CCDC102B: variants seen among roughly 807,000 people sequenced by gnomAD.
CCDC102B encodes coiled-coil domain-containing protein 102B.
CCDC102B carries 75 observed loss-of-function variants against 57.4 expected under a neutral mutation model. That is an observed-to-expected ratio of 1.31 (90% CI 1.08 to 1.58). CCDC102B has a LOEUF of 1.58. Among genes scored for constraint, CCDC102B ranks in the 40% most tolerant of loss-of-function variants. The probability of loss-of-function intolerance (pLI) is 0.00; values close to 1 mark genes in which losing one functional copy is unlikely to be tolerated. For missense variants in CCDC102B, 636 were observed against 582.6 expected, an observed-to-expected ratio of 1.09 and a Z score of -0.94; for synonymous variants, 206 against 201.9, an observed-to-expected ratio of 1.02 and a Z score of -0.17.
At chr18:68,879,235 C>T (rs990050881) in intron 5 of CCDC102B, among the ~76,000 whole-genome samples, 1 of 151,984 alleles carries the variant, frequency 6.6e-6, no homozygotes, top group African/African-American at 2.4e-5. Context: ...CTTGGTCTCG[C>T]TGGCTTCAGG....
At chr18:68,963,756 T>C (rs541627757) in intron 6 of CCDC102B, among the ~76,000 whole-genome samples, 1 of 152,038 alleles carries the variant, frequency 6.6e-6, no homozygotes, top group Admixed American at 6.6e-5. Flanking sequence ...TAAAATTTTG[T>C]ATCCAATGGT....
At chr18:68,724,931 C>A (rs2032522985) in intron 2 of CCDC102B, among the ~76,000 whole-genome samples, 1 of 152,154 alleles carries the variant, frequency 6.6e-6, no homozygotes, top group South Asian at 2.1e-4. Flanking sequence ...TGAGGAAATA[C>A]CTGAGACTGG....
At chr18:68,835,719 A>G (rs1297912959) in intron 1 of CCDC102B, among the ~76,000 whole-genome samples, 2 of 152,168 alleles carry the variant, frequency 1.3e-5, no homozygotes, top group Non-Finnish European at 2.9e-5. Context: ...ACCTTAAATC[A>G]GTCTCTTATC....
chr18:68,753,670 A>G (rs1395546606), intron 2 of CCDC102B: 1 of 150,724 alleles, frequency 6.6e-6, no homozygotes, highest in African/African-American at 2.4e-5. Context: ...TCCCACTTCT[A>G]CCTCCAGAAT....
chr18:68,983,159 G>GT lies in CCDC102B; in HGVS notation c.1264-27764dup, dbSNP rs199978790. Among the ~76,000 whole-genome samples, 113 of 144,278 alleles carry GT rather than the reference G, an allele frequency of 7.8e-4. 1 individual carries two copies. Among genetic ancestry groups the GT allele is most frequent in the South Asian group, 4.4e-3 (20 of 4,554 alleles). The allele number at this position is 144,278 out of a possible 152,430, so 94.7% of individuals were successfully genotyped here. On this transcript the variant is annotated intron_variant, in intron 6 of 7. Transcript: ENST00000360242. The stretch of plus-strand genomic sequence containing the variant: ...AGGAATCCTCAGGGGTGATTAAAAG[G>GT]TTTTTTTTTTTAGTATCATTTATAT...
intron 5 of CCDC102B, among the ~76,000 whole-genome samples, chr18:68,877,498 T>C (rs2039494827): frequency 6.6e-6 from 1 of 152,226 alleles, no homozygotes; most frequent in South Asian, 2.1e-4. Flanking sequence ...GTTTACTGCG[T>C]CCCATGAGGT....
intron 2 of CCDC102B, among the ~76,000 whole-genome samples, chr18:68,783,516 T>C (rs753127635): frequency 1.3e-5 from 2 of 152,196 alleles, no homozygotes; most frequent in Non-Finnish European, 2.9e-5. Flanking sequence ...AGGCAATGCA[T>C]TGATAATCCT....
chr18:69,015,041 G>A (rs2051628133), intron 7 of CCDC102B, among the ~76,000 whole-genome samples: 1 of 151,188 alleles, frequency 6.6e-6, no homozygotes, highest in Non-Finnish European at 1.5e-5. Flanking sequence ...AAAAAAATTT[G>A]CTGTTCTTTG....
At chr18:68,937,985 ATT>A (rs1422851598) in intron 6 of CCDC102B, among the ~76,000 whole-genome samples, 4 of 152,048 alleles carry the variant, frequency 2.6e-5, no homozygotes, top group Non-Finnish European at 5.9e-5. Context: ...TATGTGTCAC[ATT>A]TTCTTTATCC....
At chr18:68,804,790 A>G (rs55961284) in intron 1 of CCDC102B, among the ~76,000 whole-genome samples, 2,802 of 152,240 alleles carry the variant, frequency 0.018, 60 homozygotes, top group Admixed American at 0.028. Flanking sequence ...GAGATAAATG[A>G]AAGTGTCTTT....
intron 6 of CCDC102B, among the ~76,000 whole-genome samples, chr18:68,910,551 G>A (rs2040803792): frequency 6.6e-6 from 1 of 152,092 alleles, no homozygotes; most frequent in African/African-American, 2.4e-5. Flanking sequence ...AGAACTCCCT[G>A]GGCCAGGAGG....
At chr18:68,998,967 CATATATATAT>C (rs377246950) in intron 6 of CCDC102B, among the ~76,000 whole-genome samples, 1,441 of 91,702 alleles carry the variant, frequency 0.016, 20 homozygotes, top group African/African-American at 0.035. Flanking sequence ...ACATAATCAT[CATATATATAT>C]ATATATATAT....
intron 4 of CCDC102B, among the ~76,000 whole-genome samples, chr18:68,857,187 T>G (rs1312711412): frequency 1.6e-5 from 1 of 60,662 alleles, no homozygotes; most frequent in African/African-American, 8.4e-5. Flanking sequence ...AAAAATATAT[T>G]TATATATTTT....
chr18:68,744,788 T>C (rs1279453911), intron 2 of CCDC102B, among the ~76,000 whole-genome samples: 1 of 152,204 alleles, frequency 6.6e-6, no homozygotes, highest in Non-Finnish European at 1.5e-5. Context: ...TGCTTCATTA[T>C]GTGAGCATTG....
intron 6 of CCDC102B, chr18:68,907,985 T>G (rs2040706219): frequency 1.3e-5 from 2 of 152,170 alleles, no homozygotes; most frequent in Non-Finnish European, 2.9e-5. Flanking sequence ...ATTGTTTTCT[T>G]TTTTTCTCCC....
chr18:68,735,828 C>T (rs921256941), intron 2 of CCDC102B, among the ~76,000 whole-genome samples: 3 of 152,166 alleles, frequency 2.0e-5, no homozygotes, highest in Admixed American at 2.0e-4. Context: ...TCTGTGTGCT[C>T]TGTTGTTCTA....
At chr18:68,930,213 A>G (rs2041621045) in intron 6 of CCDC102B, among the ~76,000 whole-genome samples, 1 of 148,724 alleles carries the variant, frequency 6.7e-6, no homozygotes, top group Non-Finnish European at 1.5e-5. Context: ...AGTAGTTTAT[A>G]CATTATATAA....
intron 6 of CCDC102B, among the ~76,000 whole-genome samples, chr18:68,985,608 A>G (rs1438713117): frequency 6.6e-6 from 1 of 152,182 alleles, no homozygotes; most frequent in African/African-American, 2.4e-5. Context: ...GCTGTGTGGC[A>G]AAAACTGAAA....
rs981452418 is a variant in CCDC102B, at chr18:68,837,514, C to G, written c.606+145C>G. On this transcript the variant is annotated intron_variant, in intron 2 of 7. Transcript: ENST00000360242. ...AGTACCATAATCACAGTGGTTTAAG[C>G]AACAGAAATTCATTTTCTTACAATT... 1.0e-5 allele frequency: 8 copies of G among 773,022 alleles called. No individual in the cohort carries two copies. In the African/African-American group the frequency reaches 1.4e-4, roughly 13 times the overall value. The allele number at this position is 773,022 out of a possible 1,614,324, so 47.9% of individuals were successfully genotyped here. A position where few individuals can be genotyped will look rare whatever the true frequency, so the allele number is the denominator to read the frequency against.
Sources: gnomAD v4.1 joint callset for allele counts (sites outside exome capture counted in the v4.1 genomes callset) on GRCh38, gnomAD v4.1.1 for gene constraint, MANE v1.5 for transcripts, NCBI Gene and HGNC (gene_info 2026-07-23, HGNC 2026-07-21) for gene names.